Variants in DPP6 observed in about 807,000 individuals in gnomAD.
DPP6 encodes dipeptidyl peptidase like 6.
DPP6 carries 69 observed loss-of-function variants against 122.6 expected under a neutral mutation model. The ratio of observed to expected loss-of-function variants is 0.56; its 90% CI spans 0.46 to 0.69. The LOEUF (loss-of-function observed/expected upper bound fraction) is 0.69, where lower values mean the gene tolerates loss of function less well. Ranked by LOEUF, DPP6 falls within the 30% of genes least tolerant of loss-of-function variation. DPP6 has a pLI of 0.00. For synonymous variants in DPP6, 418 were observed against 433.1 expected (o/e 0.97, Z 0.43); for missense variants, 928 against 1,116.9 (o/e 0.83, Z 2.41).
chr7:153,837,357 G>A, the DPP6 span, among the ~76,000 whole-genome samples: 981 of 152,182 alleles, frequency 6.4e-3, 5 homozygotes, highest in Non-Finnish European at 0.012. Context: ...AACTAATCTA[G>A]CATCGCTACA....
intron 1 of DPP6, among the ~76,000 whole-genome samples, chr7:154,314,242 C>T (rs527602229): frequency 6.6e-6 from 1 of 152,226 alleles, no homozygotes; most frequent in South Asian, 2.1e-4. Context: ...GGGGATGATT[C>T]CTGTCACGCT....
At chr7:154,872,819 CAT>C in intron 19 of DPP6, 126 bp downstream of exon 19, 1 of 1,505,672 alleles carries the variant, frequency 6.6e-7, no homozygotes, top group Non-Finnish European at 9.0e-7. Context: ...AAACTGAAAA[CAT>C]AACATCGTTT....
At chr7:154,321,726 A>G (rs1807975226) in intron 1 of DPP6, among the ~76,000 whole-genome samples, 1 of 147,368 alleles carries the variant, frequency 6.8e-6, no homozygotes. Context: ...CGGAGGTTGC[A>G]GTGAGCTAAG....
At position 154,284,435 on chromosome 7, in the gene DPP6, A is replaced by G. The variant is rs1227106182; in HGVS notation, c.244-161779A>G. Among the ~76,000 whole-genome samples the G allele has an allele frequency of 3.9e-5, 6 of 152,216 alleles. No individual in the cohort carries two copies. In the East Asian group the frequency reaches 9.6e-4, roughly 24 times the overall value. The stretch of plus-strand genomic sequence containing the variant: ...TAACAATAACCAAAAGGGGGAAACA[A>G]CCCAAGTGTCTATCAACTGATGGAT... On this transcript the variant is annotated intron_variant, in intron 1 of 25. Coordinates refer to ENST00000377770, the MANE Select transcript of DPP6 (RefSeq NM_130797.4).
At chr7:154,424,295 T>G (rs1817715646) in intron 1 of DPP6, among the ~76,000 whole-genome samples, 1 of 152,216 alleles carries the variant, frequency 6.6e-6, no homozygotes, top group African/African-American at 2.4e-5. Context: ...TACCACAAAC[T>G]TAGTGACTTA....
rs139749370 is a variant in DPP6, at chr7:154,743,428, C to T, written c.883+15541C>T. Among the ~76,000 whole-genome samples the T allele has an allele frequency of 8.4e-3, 1,276 of 152,154 alleles. 6 individuals carry two copies. Among genetic ancestry groups the T allele is most frequent in the Middle Eastern group, 0.027 (8 of 294 alleles). ...GAAAAGAATGGAGTTTTGTGCACTG[C>T]GATTTTCCAAAGCACATAATGCTTA... On this transcript the variant is annotated intron_variant, in intron 8 of 25. Transcript: ENST00000377770.
At chr7:153,981,327 T>C (rs1796573654) in intron 1 of DPP6, among the ~76,000 whole-genome samples, 1 of 152,222 alleles carries the variant, frequency 6.6e-6, no homozygotes, top group African/African-American at 2.4e-5. Context: ...TTTTGACTTT[T>C]ATTGGTTTAA....
At chr7:153,772,477 G>T in the DPP6 span, among the ~76,000 whole-genome samples, 1 of 151,924 alleles carries the variant, frequency 6.6e-6, no homozygotes, top group African/African-American at 2.4e-5. Context: ...GTAAACATGG[G>T]CATAAGTAAT....
intron 2 of DPP6, among the ~76,000 whole-genome samples, chr7:154,463,432 C>A (rs2151322394): frequency 6.6e-6 from 1 of 152,100 alleles, no homozygotes; most frequent in Middle Eastern, 3.4e-3. Context: ...TGGTCTCGAT[C>A]TCCTGACCTC....
chr7:154,220,819 T>A (rs2150828245), intron 1 of DPP6, among the ~76,000 whole-genome samples: 1 of 152,336 alleles, frequency 6.6e-6, no homozygotes, highest in African/African-American at 2.4e-5. Context: ...AATACCTGTG[T>A]CCTCTTCCTG....
In DPP6 at chr7:154,031,133, C is replaced by A. The variant is rs190782193; in HGVS notation, c.51+143399C>A. 2.7e-4 allele frequency among the ~76,000 whole-genome samples: 41 copies of A among 152,232 alleles called. No homozygotes were observed. The East Asian group carries it at 7.3e-3, about 27-fold the overall frequency. On this transcript the variant is annotated intron_variant, in intron 1 of 25. Coordinates refer to the DPP6 transcript ENST00000404039. ...TCCCCCAGGGCGAATACAATCCCTT[C>A]TTCTTCACACTGAAAGCCACCACTA...
At chr7:154,774,893 G>A (rs1469705197) in intron 10 of DPP6, among the ~76,000 whole-genome samples, 1 of 152,202 alleles carries the variant, frequency 6.6e-6, no homozygotes, top group Non-Finnish European at 1.5e-5. Context: ...GAAACGTGTG[G>A]AAGAGGAGGC....
chr7:154,713,362 C>T (rs988282400), intron 7 of DPP6, among the ~76,000 whole-genome samples: 3 of 152,242 alleles, frequency 2.0e-5, no homozygotes, highest in Non-Finnish European at 4.4e-5. Flanking sequence ...CTATGCAGTG[C>T]CCCACTGGGG....
chr7:153,951,214 A>G (rs1015308863), intron 1 of DPP6, among the ~76,000 whole-genome samples: 3 of 152,224 alleles, frequency 2.0e-5, no homozygotes, highest in Admixed American at 6.5e-5. Flanking sequence ...CCTGGGGCTG[A>G]GAAGCGCATT....
At chr7:154,028,155 G>A (rs1203439056) in intron 1 of DPP6, among the ~76,000 whole-genome samples, 1 of 151,938 alleles carries the variant, frequency 6.6e-6, no homozygotes, top group Non-Finnish European at 1.5e-5. Flanking sequence ...TTTGTGTGGG[G>A]TTCTTAAAAA....
intron 1 of DPP6, among the ~76,000 whole-genome samples, chr7:154,382,144 T>C (rs1034798132): frequency 6.7e-6 from 1 of 148,738 alleles, no homozygotes; most frequent in Non-Finnish European, 1.5e-5. Context: ...GAGCCGCAGA[T>C]GCAGGTTTGC....
At chr7:154,645,890 T>C (rs1366903188) in intron 6 of DPP6, among the ~76,000 whole-genome samples, 3 of 151,866 alleles carry the variant, frequency 2.0e-5, no homozygotes, top group Non-Finnish European at 2.9e-5. Context: ...TAGCCAGGCA[T>C]GGTGGTGGGC....
chr7:154,426,447 G>A (rs1028669914), intron 1 of DPP6, among the ~76,000 whole-genome samples: 2 of 152,118 alleles, frequency 1.3e-5, no homozygotes, highest in African/African-American at 2.4e-5. Context: ...TGAATATGAC[G>A]TGAGATGACT....
chr7:154,124,495 G>A (rs1807732358), intron 1 of DPP6, among the ~76,000 whole-genome samples: 1 of 152,232 alleles, frequency 6.6e-6, no homozygotes, highest in Admixed American at 6.5e-5. Flanking sequence ...GGAGCAGGCA[G>A]ATGGGAACGT....
Sources: allele counts gnomAD v4.1 joint callset (sites outside exome capture counted in the v4.1 genomes callset), GRCh38; gene constraint gnomAD v4.1.1; transcripts MANE v1.5; gene names NCBI Gene and HGNC (gene_info 2026-07-23, HGNC 2026-07-21).